The following SH3BGRL2 variants were observed in gnomAD, a reference collection of about 807,000 sequenced individuals.
SH3BGRL2 encodes SH3 domain binding glutamate rich protein like 2.
A neutral mutation model predicts 14.8 loss-of-function variants in SH3BGRL2; 21 were observed. That is an observed-to-expected ratio of 1.42 (90% CI 1.01 to 2.05). The LOEUF (loss-of-function observed/expected upper bound fraction) is 2.05. Among genes scored for constraint, SH3BGRL2 ranks in the 30% most tolerant of loss-of-function variants. SH3BGRL2 has a pLI of 0.00. For synonymous variants in SH3BGRL2, 50 were observed against 47.8 expected, an observed-to-expected ratio of 1.05 and a Z score of -0.19; for missense variants, 147 against 130.8, an observed-to-expected ratio of 1.12 and a Z score of -0.61.
chr6:79,651,722 G>A (rs935544559), intron 1 of SH3BGRL2, among the ~76,000 whole-genome samples: 1 of 152,132 alleles, frequency 6.6e-6, no homozygotes, highest in Non-Finnish European at 1.5e-5. Context: ...ATGGTTGTCA[G>A]GGAAAGAGGC....
At chr6:79,694,619 G>A (rs1305481265) in intron 2 of SH3BGRL2, among the ~76,000 whole-genome samples, 1 of 152,104 alleles carries the variant, frequency 6.6e-6, no homozygotes, top group African/African-American at 2.4e-5. Context: ...TTTACTCAAT[G>A]TTTCATATAG....
the SH3BGRL2 span, among the ~76,000 whole-genome samples, chr6:79,547,716 G>T: frequency 6.6e-6 from 1 of 152,060 alleles, no homozygotes; most frequent in Non-Finnish European, 1.5e-5. Flanking sequence ...GAATATTATA[G>T]AATGTGTCCA....
At chr6:79,584,249 CAT>C in the SH3BGRL2 span, among the ~76,000 whole-genome samples, 5 of 152,254 alleles carry the variant, frequency 3.3e-5, no homozygotes, top group Middle Eastern at 3.4e-3. Context: ...TCAAAGCTCA[CAT>C]GAGACGCCAC....
intron 1 of SH3BGRL2, among the ~76,000 whole-genome samples, chr6:79,665,606 G>A (rs902684649): frequency 6.6e-6 from 1 of 152,070 alleles, no homozygotes; most frequent in African/African-American, 2.4e-5. Flanking sequence ...ATATTGACTG[G>A]TTAAAAAGAA....
chr6:79,649,983 T>TCACACACACACACACA (rs370228264), intron 1 of SH3BGRL2, among the ~76,000 whole-genome samples: 5 of 132,346 alleles, frequency 3.8e-5, no homozygotes, highest in African/African-American at 5.7e-5. Context: ...TCTCTCTCTC[T>TCACACACACACACACA]CTCACACACA....
At chr6:79,582,299 T>C in the SH3BGRL2 span, among the ~76,000 whole-genome samples, 14 of 152,152 alleles carry the variant, frequency 9.2e-5, no homozygotes, top group East Asian at 1.9e-4. Context: ...AAAGTTCATA[T>C]GGAACCAAAA....
the SH3BGRL2 span, among the ~76,000 whole-genome samples, chr6:79,623,310 A>G: frequency 1.3e-5 from 2 of 152,086 alleles, no homozygotes; most frequent in Non-Finnish European, 2.9e-5. Context: ...TCAAAAAAAA[A>G]AAAAAAATGT....
At chr6:79,667,016 T>C (rs1188632124) in intron 1 of SH3BGRL2, among the ~76,000 whole-genome samples, 1 of 152,254 alleles carries the variant, frequency 6.6e-6, no homozygotes, top group African/African-American at 2.4e-5. Flanking sequence ...AGGCCTTTTC[T>C]TGTTTAATTT....
intron 1 of SH3BGRL2, among the ~76,000 whole-genome samples, chr6:79,652,942 A>G (rs1769325203): frequency 6.6e-6 from 1 of 152,108 alleles, no homozygotes; most frequent in African/African-American, 2.4e-5. Context: ...AGGTAAATCA[A>G]TGATAAATGT....
Position 79,668,090 on chromosome 6 carries a change from G to A in SH3BGRL2, c.46-5524G>A, listed in dbSNP as rs141617078. Among the ~76,000 whole-genome samples, 699 of 152,282 alleles carry A rather than the reference G, an allele frequency of 4.6e-3. 3 individuals carry two copies. The highest frequency in any genetic ancestry group is 7.7e-3 in the Non-Finnish European group (524 of 68,012). ...AGTCCCATGGTGCAGCATCAGCTAT[G>A]TATACCCTGGAATTCAAACATGGCT... On this transcript the variant is annotated intron_variant, in intron 1 of 3. Coordinates refer to ENST00000369838, the MANE Select transcript of SH3BGRL2 (RefSeq NM_031469.4).
chr6:79,698,028 T>G (rs998936938), intron 3 of SH3BGRL2, among the ~76,000 whole-genome samples: 1 of 152,248 alleles, frequency 6.6e-6, no homozygotes, highest in African/African-American at 2.4e-5. Context: ...CACATGGCTT[T>G]TGGCCACAGT....
chr6:79,638,347 G>A (rs1212592245), intron 1 of SH3BGRL2, among the ~76,000 whole-genome samples: 1 of 152,028 alleles, frequency 6.6e-6, no homozygotes. Context: ...TTATCCATTT[G>A]TGTGTTCAAG....
chr6:79,598,181 A>G, the SH3BGRL2 span, among the ~76,000 whole-genome samples: 1 of 152,230 alleles, frequency 6.6e-6, no homozygotes, highest in African/African-American at 2.4e-5. Flanking sequence ...AAAATAGTCT[A>G]GCAGTTCCTC....
At chr6:79,639,720 A>G (rs758782615) in intron 1 of SH3BGRL2, among the ~76,000 whole-genome samples, 4 of 152,154 alleles carry the variant, frequency 2.6e-5, no homozygotes, top group Non-Finnish European at 4.4e-5. Flanking sequence ...ATCACCCTCC[A>G]AGCTCTAAAC....
chr6:79,685,880 A>G, intron 2 of SH3BGRL2, among the ~76,000 whole-genome samples: 1 of 152,176 alleles, frequency 6.6e-6, no homozygotes, highest in Non-Finnish European at 1.5e-5. Flanking sequence ...TTGTCTGGCA[A>G]ACCTATTAGA....
chr6:79,627,032 A>G (rs895758817), upstream of SH3BGRL2, among the ~76,000 whole-genome samples: 1 of 152,212 alleles, frequency 6.6e-6, no homozygotes, highest in Non-Finnish European at 1.5e-5. Flanking sequence ...GACAGCTGTC[A>G]GCCTCCTTGT....
the SH3BGRL2 span, among the ~76,000 whole-genome samples, chr6:79,537,680 T>C: frequency 2.0e-5 from 3 of 152,206 alleles, no homozygotes; most frequent in Non-Finnish European, 4.4e-5. Context: ...CTGAGCGTCG[T>C]GGGCTCCGAG....
the SH3BGRL2 span, among the ~76,000 whole-genome samples, chr6:79,600,984 C>G: frequency 6.6e-6 from 1 of 152,052 alleles, no homozygotes; most frequent in Non-Finnish European, 1.5e-5. Context: ...CAGGAGTCCC[C>G]CCTCAAGCTC....
intron 1 of SH3BGRL2, among the ~76,000 whole-genome samples, chr6:79,635,776 G>C (rs1006565073): frequency 6.6e-6 from 1 of 152,216 alleles, no homozygotes; most frequent in Admixed American, 6.5e-5. Flanking sequence ...AGTGAGGGTG[G>C]GTGTGGAAGG....
Sources: gnomAD v4.1 joint callset for allele counts (sites outside exome capture counted in the v4.1 genomes callset) on GRCh38, gnomAD v4.1.1 for gene constraint, MANE v1.5 for transcripts, NCBI Gene and HGNC (gene_info 2026-07-23, HGNC 2026-07-21) for gene names.